The following KIF21A variants were observed in gnomAD, a reference collection of about 807,000 sequenced individuals.
KIF21A encodes kinesin-like protein KIF21A.
A neutral mutation model predicts 202.9 loss-of-function variants in KIF21A; 114 were observed. That is an observed-to-expected ratio of 0.56 (90% CI 0.48 to 0.66). KIF21A has a LOEUF of 0.66. Among genes scored for constraint, KIF21A ranks in the 30% least tolerant of loss-of-function variants. The pLI is 0.00. For missense variants in KIF21A, 1,677 were observed against 1,994.9 expected, an observed-to-expected ratio of 0.84 and a Z score of 3.04; for synonymous variants, 667 against 670.8, an observed-to-expected ratio of 0.99 and a Z score of 0.09.
At chr12:39,320,156 A>G (rs1945052369) in intron 27 of KIF21A, 143 bp from the exon 28 acceptor site, 2 of 603,128 alleles carry the variant, frequency 3.3e-6, no homozygotes, top group Non-Finnish European at 5.9e-6. Flanking sequence ...TAAAACTAAC[A>G]TAGGAAAATA....
intron 7 of KIF21A, among the ~76,000 whole-genome samples, chr12:39,359,606 AG>A (rs1949048943): frequency 6.6e-6 from 1 of 152,226 alleles, no homozygotes; most frequent in South Asian, 2.1e-4. Context: ...CTTTTGATAA[AG>A]AAAATAAGGT....
At chr12:39,425,287 G>A (rs1205709128) in intron 1 of KIF21A, among the ~76,000 whole-genome samples, 7 of 152,158 alleles carry the variant, frequency 4.6e-5, no homozygotes, top group Admixed American at 2.6e-4. Flanking sequence ...AGCTCCTTGA[G>A]AATTAAAGCT....
Position 39,346,495 on chromosome 12 carries a change from T to C in KIF21A, c.1683A>G (p.Lys561=). The C allele has an allele frequency of 6.8e-7, 1 of 1,480,130 alleles. No individual in the cohort carries two copies. Among genetic ancestry groups the C allele is most frequent in the Non-Finnish European group, 8.9e-7 (1 of 1,118,348 alleles). The allele number at this position is 1,480,130 out of a possible 1,614,324, so 91.7% of individuals were successfully genotyped here. ...TTTCTTCTCGATTGCTTTCCTCAAGTTTCTGTAGCCTTCAAAATCACGAGG... is the reference window on the plus strand; with the variant it reads ...TTTCTTCTCGATTGCTTTCCTCAAGCTTCTGTAGCCTTCAAAATCACGAGG... ...KEKRKKKRLQ[K]LEESNREERS... Residue 561 remains lysine (K), a synonymous_variant, in exon 12 of 38, where the codon AAA becomes AAG. Transcript: ENST00000361418.
intron 34 of KIF21A, 105 bp from the exon 35 acceptor site, chr12:39,305,043 A>G (rs1943316923): frequency 1.4e-6 from 1 of 691,618 alleles, no homozygotes; most frequent in Non-Finnish European, 2.6e-6. Flanking sequence ...TAATTCACTA[A>G]CTTTTTTTTT....
chr12:39,408,356 G>A (rs1182829552), intron 1 of KIF21A, among the ~76,000 whole-genome samples: 1 of 152,094 alleles, frequency 6.6e-6, no homozygotes, highest in African/African-American at 2.4e-5. Context: ...TCTGACAGGA[G>A]GCAAAACTCA....
At chr12:39,355,397 G>T (rs1948687840) in intron 10 of KIF21A, among the ~76,000 whole-genome samples, 1 of 152,008 alleles carries the variant, frequency 6.6e-6, no homozygotes, top group Admixed American at 6.6e-5. Context: ...GAGAGCATAA[G>T]AACTCATATA....
intron 7 of KIF21A, among the ~76,000 whole-genome samples, chr12:39,361,454 C>T (rs540066858): frequency 1.1e-4 from 17 of 151,288 alleles, no homozygotes; most frequent in African/African-American, 3.9e-4. Flanking sequence ...AAGACAAATG[C>T]TAATAGTACA....
chr12:39,362,326 A>G (rs765642316), intron 7 of KIF21A, among the ~76,000 whole-genome samples: 14 of 152,372 alleles, frequency 9.2e-5, no homozygotes, highest in Middle Eastern at 3.4e-3. Context: ...GATTTGTTGT[A>G]TAGCATCTAA....
chr12:39,371,825 A>C (rs956886197), intron 1 of KIF21A, among the ~76,000 whole-genome samples: 18 of 151,974 alleles, frequency 1.2e-4, no homozygotes, highest in African/African-American at 4.4e-4. Context: ...GCTACTCAAG[A>C]GGCAGAGGCA....
At chr12:39,400,043 T>C (rs1208617494) in intron 1 of KIF21A, among the ~76,000 whole-genome samples, 1 of 152,198 alleles carries the variant, frequency 6.6e-6, no homozygotes, top group Non-Finnish European at 1.5e-5. Context: ...CAAAGCTCTT[T>C]GCTAATAAGT....
chr12:39,415,369 A>G lies in KIF21A; in HGVS notation c.44+27558T>C, dbSNP rs992096741. On this transcript the variant is annotated intron_variant, in intron 1 of 37. Transcript: ENST00000361418. ...ATTCTCCTACCTCAGCCTCCGGAGT[A>G]GCTGGGACTACAGGCGCCCGCCACC... Among the ~76,000 whole-genome samples the G allele has an allele frequency of 1.7e-4, 25 of 150,702 alleles. No individual in the cohort carries two copies. In the South Asian group the frequency reaches 1.9e-3, roughly 11 times the overall value.
intron 35 of KIF21A, 126 bp downstream of exon 35, chr12:39,304,695 T>A: frequency 1.6e-6 from 1 of 643,672 alleles, no homozygotes; most frequent in Non-Finnish European, 2.8e-6. Flanking sequence ...AGGAAAAGAT[T>A]AAAAAGAAAA....
chr12:39,314,522 T>A (rs1426747326), intron 31 of KIF21A, among the ~76,000 whole-genome samples: 1 of 151,824 alleles, frequency 6.6e-6, no homozygotes, highest in African/African-American at 2.4e-5. Flanking sequence ...TATATATGTA[T>A]ATATAGGTCA....
At chr12:39,413,209 TTAAGAA>T (rs1321496688) in intron 1 of KIF21A, among the ~76,000 whole-genome samples, 1 of 152,228 alleles carries the variant, frequency 6.6e-6, no homozygotes, top group Non-Finnish European at 1.5e-5. Context: ...GAAGGTGCCA[TTAAGAA>T]TAACTAAAAT....
chr12:39,340,158 T>A lies in KIF21A; in HGVS notation c.2310+7A>T. 1.9e-6 allele frequency: 3 copies of A among 1,605,516 alleles called. No individual in the cohort carries two copies. The highest frequency in any genetic ancestry group is 1.7e-6 in the Non-Finnish European group (2 of 1,173,174). On this transcript the variant is annotated splice_region_variant and intron_variant, in intron 16 of 37. Coordinates refer to ENST00000361418, the MANE Select transcript of KIF21A (RefSeq NM_001173464.2). ...ATCAAACGTTAATGGAAAAAAATAA[T>A]CAATACCTTTGTTTTTTTCATTTCC... is the stretch of plus-strand genomic sequence containing the variant.
intron 1 of KIF21A, among the ~76,000 whole-genome samples, chr12:39,408,340 C>A (rs928550735): frequency 3.3e-5 from 5 of 152,006 alleles, no homozygotes; most frequent in Admixed American, 2.6e-4. Context: ...TTAATGCCAC[C>A]ACTGATCTGA....
rs748150530 is a variant in KIF21A at position 39,304,910 on chromosome 12, G to A, written c.4471C>T (p.His1491Tyr). 48 of 1,600,896 alleles carry A rather than the reference G, an allele frequency of 3.0e-5. No individual in the cohort carries two copies. The highest frequency in any genetic ancestry group is 3.9e-5 in the Non-Finnish European group (46 of 1,169,044). The change falls in exon 35 of 38, where the codon CAC (histidine) becomes TAC (tyrosine). Residue 1491 changes from histidine to tyrosine, a missense_variant. Transcript: ENST00000361418. ...GTAAGGCACATAACAGGGCCTAGGT[G>A]TCCTGTTAACTTTCCTGTAGACTGA... ...RFQSTGKLTG[H>Y]LGPVMCLTVD...
chr12:39,358,111 T>C (rs1439835181), intron 8 of KIF21A, 67 bp downstream of exon 8: 1 of 1,304,842 alleles, frequency 7.7e-7, no homozygotes, highest in Non-Finnish European at 1.1e-6. Context: ...GTGTAAGGCA[T>C]TATTGTGTTC....
chr12:39,362,254 T>C (rs962500881), intron 7 of KIF21A, among the ~76,000 whole-genome samples: 2 of 152,232 alleles, frequency 1.3e-5, no homozygotes, highest in African/African-American at 4.8e-5. Context: ...CAGGTATTTA[T>C]GGCAGTGCAA....
Sources: allele counts gnomAD v4.1 joint callset (sites outside exome capture counted in the v4.1 genomes callset), GRCh38; gene constraint gnomAD v4.1.1; transcripts MANE v1.5; gene names NCBI Gene and HGNC (gene_info 2026-07-23, HGNC 2026-07-21).